TMEM266: variants seen among roughly 807,000 people sequenced by gnomAD.
TMEM266 encodes transmembrane protein 266.
In TMEM266, 33 loss-of-function variants were observed where a neutral mutation model predicts 50.5. The observed-to-expected ratio is 0.65, with a 90% confidence interval of 0.50 to 0.87. The LOEUF (loss-of-function observed/expected upper bound fraction) is 0.87. TMEM266 is among the 40% of genes least tolerant of loss of function. TMEM266 has a pLI of 0.00. For synonymous variants in TMEM266, 310 were observed against 292.3 expected (o/e 1.06, Z -0.62); for missense variants, 655 against 695.1 (o/e 0.94, Z 0.65).
At chr15:76,120,703 G>T (rs887938876) in intron 1 of TMEM266, among the ~76,000 whole-genome samples, 1 of 145,118 alleles carries the variant, frequency 6.9e-6, no homozygotes, top group African/African-American at 2.6e-5. Flanking sequence ...GAAGGCTGCA[G>T]TGAGCCAAGA....
chr15:76,160,950 C>G lies in TMEM266; in HGVS notation c.456+782C>G, dbSNP rs1045003902. Among the ~76,000 whole-genome samples the G allele has an allele frequency of 2.0e-5, 3 of 152,110 alleles. No individual in the cohort carries two copies. The highest frequency in any genetic ancestry group is 4.4e-5 in the Non-Finnish European group (3 of 67,998). The stretch of plus-strand genomic sequence containing the variant: ...TTCCTTTGAGCAGTTCCCAGGCTGT[C>G]CCAGTGAGACTCTGGCCTGCATCTG... On this transcript the variant is annotated intron_variant, in intron 5 of 10. Transcript: ENST00000388942. The surrounding 1 kb of genome is among the most constrained non-coding windows in gnomAD (Gnocchi z 5.7).
chr15:76,204,212 T>G lies in TMEM266; in HGVS notation c.1493T>G (p.Ile498Ser), dbSNP rs981061103. The change falls in exon 11 of 11, where the codon ATC (isoleucine) becomes AGC (serine). Residue 498 changes from isoleucine to serine, a missense_variant. This residue lies in a region of TMEM266 where 455 missense variants were observed against 401.8 expected (regional missense o/e 1.13). Coordinates refer to ENST00000388942, the MANE Select transcript of TMEM266 (RefSeq NM_152335.3). ...CAGGAGGGCTTCACTGTCTTTCAGATCAGGCCTGTCATCCACTTCCAGCCC... is the reference window on the plus strand; with the variant it reads ...CAGGAGGGCTTCACTGTCTTTCAGAGCAGGCCTGTCATCCACTTCCAGCCC... 1 of 1,613,796 alleles carries G rather than the reference T, an allele frequency of 6.2e-7. No individual in the cohort carries two copies. The highest frequency in any genetic ancestry group is 1.3e-5 in the African/African-American group (1 of 74,930).
intron 1 of TMEM266, among the ~76,000 whole-genome samples, chr15:76,089,594 ATG>A (rs1231947743): frequency 6.6e-6 from 1 of 152,162 alleles, no homozygotes; most frequent in African/African-American, 2.4e-5. Context: ...AAGGTTGTGT[ATG>A]ATACTAATAA....
chr15:76,134,002 A>T (rs2037552877), intron 1 of TMEM266, among the ~76,000 whole-genome samples, 166 bp from the exon 2 acceptor site: 1 of 152,160 alleles, frequency 6.6e-6, no homozygotes, highest in African/African-American at 2.4e-5. Flanking sequence ...AAGAGAAATT[A>T]TGCTTATTAT....
intron 6 of TMEM266, among the ~76,000 whole-genome samples, chr15:76,170,444 G>C (rs761680978): frequency 6.6e-6 from 1 of 152,362 alleles, no homozygotes; most frequent in South Asian, 2.1e-4. Context: ...GGGCCTGGCC[G>C]ATGGATGGCT....
At chr15:76,137,642 G>A in intron 2 of TMEM266, 65 bp from the exon 3 acceptor site, 1 of 1,494,960 alleles carries the variant, frequency 6.7e-7, no homozygotes, top group Non-Finnish European at 9.3e-7. Flanking sequence ...CTTTCCTTGA[G>A]GAATGGAAGA....
intron 6 of TMEM266, among the ~76,000 whole-genome samples, chr15:76,170,448 G>A (rs1294732179): frequency 7.2e-5 from 11 of 152,260 alleles, no homozygotes; most frequent in Non-Finnish European, 1.3e-4. Flanking sequence ...CTGGCCGATG[G>A]ATGGCTCAGA....
At chr15:76,063,110 G>A (rs1173085110) in intron 1 of TMEM266, among the ~76,000 whole-genome samples, 1 of 152,120 alleles carries the variant, frequency 6.6e-6, no homozygotes, top group African/African-American at 2.4e-5. Flanking sequence ...CGACAGTCTT[G>A]AATCACAAAA....
chr15:76,077,525 G>A (rs1195993202), intron 1 of TMEM266, among the ~76,000 whole-genome samples: 2 of 152,104 alleles, frequency 1.3e-5, no homozygotes, highest in African/African-American at 2.4e-5. Flanking sequence ...GGTCTTTGCA[G>A]ATGAGATTAA....
chr15:76,188,494 T>C (rs2038521224), intron 8 of TMEM266, among the ~76,000 whole-genome samples: 1 of 152,138 alleles, frequency 6.6e-6, no homozygotes, highest in South Asian at 2.1e-4. Flanking sequence ...TCCCAGCTAC[T>C]TGGGAGGCTG....
chr15:76,178,304 A>G (rs1194167251), intron 8 of TMEM266, among the ~76,000 whole-genome samples: 2 of 152,120 alleles, frequency 1.3e-5, no homozygotes, highest in Non-Finnish European at 2.9e-5. Context: ...AGGTGAGAGA[A>G]GCTGGGCTTT....
intron 1 of TMEM266, among the ~76,000 whole-genome samples, chr15:76,091,505 G>A (rs34071579): frequency 0.21 from 31,626 of 151,232 alleles, 4,101 homozygotes; most frequent in Non-Finnish European, 0.27. Flanking sequence ...AGACATAATT[G>A]CACCACTGCT....
At chr15:76,191,936 G>A (rs1233790535) in intron 8 of TMEM266, 32 bp from the exon 9 acceptor site, 1 of 1,539,272 alleles carries the variant, frequency 6.5e-7, no homozygotes, top group East Asian at 2.5e-5. Context: ...GCCCCTCGCC[G>A]CTGATTCAGC....
chr15:76,090,361 G>A (rs922797749), intron 1 of TMEM266, among the ~76,000 whole-genome samples: 3 of 151,872 alleles, frequency 2.0e-5, no homozygotes, highest in South Asian at 2.1e-4. Flanking sequence ...GCATGGTGGT[G>A]CACACCTGCA....
Position 76,168,677 on chromosome 15 carries a change from C to T in TMEM266, c.457-1139C>T, listed in dbSNP as rs185952501. On this transcript the variant is annotated intron_variant, in intron 5 of 10. Coordinates refer to ENST00000388942, the MANE Select transcript of TMEM266 (RefSeq NM_152335.3). The surrounding 1 kb of genome is among the most constrained non-coding windows in gnomAD (Gnocchi z 4.4). ...TGTTCATCTGTCCACAGTGCATAAT[C>T]GCCTGGTGGCTACTGTATGCCAGGT... is the stretch of plus-strand genomic sequence containing the variant. Among the ~76,000 whole-genome samples, 1 of 152,344 alleles carries T rather than the reference C, an allele frequency of 6.6e-6. No homozygotes were observed. The highest frequency in any genetic ancestry group is 2.4e-5 in the African/African-American group (1 of 41,594).
intron 1 of TMEM266, among the ~76,000 whole-genome samples, chr15:76,067,812 TGTC>T (rs909007993): frequency 5.9e-5 from 9 of 151,894 alleles, no homozygotes; most frequent in Non-Finnish European, 1.2e-4. Flanking sequence ...TCAAAGTACT[TGTC>T]GGCCTTTGAC....
intron 7 of TMEM266, 145 bp downstream of exon 7, chr15:76,171,276 T>G: frequency 1.7e-6 from 2 of 1,189,544 alleles, no homozygotes; most frequent in Non-Finnish European, 2.3e-6. Context: ...GGGCCAGCTG[T>G]CCCTGCTCAC....
Position 76,203,955 on chromosome 15 carries a change from C to T in TMEM266, c.1236C>T (p.Ser412=). ...CGCTGGGCTCCTCCATGGACTGCAG[C>T]ACTGCCCGCGAGGAGCCGTCCTCTG... ...DCSTAREEPS[S]EPGPSPPPLP... is the part of the protein sequence containing the mutation. Residue 412 remains serine, a synonymous_variant, in exon 11 of 11, where the codon AGC becomes AGT. Transcript: ENST00000388942. The T allele has an allele frequency of 6.2e-7, 1 of 1,613,152 alleles. No individual in the cohort carries two copies.
chr15:76,099,966 A>C (rs1334698499), intron 1 of TMEM266, among the ~76,000 whole-genome samples: 1 of 152,172 alleles, frequency 6.6e-6, no homozygotes, highest in African/African-American at 2.4e-5. Flanking sequence ...CACAAATTTA[A>C]ACCGTTAGAT....
Sources: allele counts gnomAD v4.1 joint callset (sites outside exome capture counted in the v4.1 genomes callset), GRCh38; gene constraint gnomAD v4.1.1; regional missense constraint gnomAD v4.1.1; non-coding constraint Gnocchi (gnomAD v3.1); transcripts MANE v1.5; gene names NCBI Gene and HGNC (gene_info 2026-07-23, HGNC 2026-07-21).